NME9: variants seen among roughly 807,000 people sequenced by gnomAD.
NME9 encodes thioredoxin domain-containing protein 6.
NME9 carries 48 observed loss-of-function variants against 44.4 expected under a neutral mutation model. That is an observed-to-expected ratio of 1.08 (90% CI 0.86 to 1.37). The LOEUF is 1.37. NME9 is among the 40% of genes most tolerant of loss of function. The pLI, the probability that NME9 is intolerant of heterozygous loss-of-function variation, is 0.00. For missense variants in NME9, 325 were observed against 405.2 expected (o/e 0.80, Z 1.70); for synonymous variants, 139 against 147.1 (o/e 0.94, Z 0.40).
At chr3:138,278,618 C>T (rs1049704778) in intron 8 of NME9, among the ~76,000 whole-genome samples, 4 of 152,024 alleles carry the variant, frequency 2.6e-5, no homozygotes, top group East Asian at 1.9e-4. Context: ...CTTGGGATTT[C>T]GATCGTATTG....
At chr3:138,304,561 A>G (rs2052090776) in intron 9 of NME9, among the ~76,000 whole-genome samples, 1 of 152,066 alleles carries the variant, frequency 6.6e-6, no homozygotes, top group South Asian at 2.1e-4. Flanking sequence ...TAGAATCTGT[A>G]TGTTCCTGGG....
At position 138,273,038 on chromosome 3, in the gene NME9, C is replaced by T. The variant is rs952963574; in HGVS notation, c.746-10452G>A. ...GAAGCTTGAGTACTGAACAGCTATT[C>T]CGGTTATTATCAGATTCAGATTTGA... is the stretch of plus-strand genomic sequence containing the variant. On this transcript the variant is annotated intron_variant, in intron 8 of 8. Coordinates refer to the NME9 transcript ENST00000317876. The T allele has an allele frequency of 3.1e-6, 5 of 1,613,054 alleles. No homozygotes were observed. The Admixed American group carries it at 6.7e-5, about 22-fold the overall frequency.
At chr3:138,321,521 T>C (rs1171800658) in intron 2 of NME9, among the ~76,000 whole-genome samples, 1 of 152,212 alleles carries the variant, frequency 6.6e-6, no homozygotes, top group Non-Finnish European at 1.5e-5. Flanking sequence ...AACACCTGAA[T>C]TTTGAAGGGG....
At chr3:138,322,803 A>G (rs1248052282) in intron 2 of NME9, among the ~76,000 whole-genome samples, 1 of 152,164 alleles carries the variant, frequency 6.6e-6, no homozygotes, top group Non-Finnish European at 1.5e-5. Flanking sequence ...GTCAGTGCTC[A>G]CTGGATGTTA....
chr3:138,262,405 C>T (rs895868444), exon 9 of NME9: 13 of 1,025,486 alleles, frequency 1.3e-5, no homozygotes, highest in East Asian at 9.7e-5. Flanking sequence ...ATGTGGTTCC[C>T]TGTTCTTAAT....
intron 6 of NME9, among the ~76,000 whole-genome samples, chr3:138,307,166 T>A (rs1474945768): frequency 2.0e-5 from 3 of 152,230 alleles, no homozygotes; most frequent in Non-Finnish European, 4.4e-5. Flanking sequence ...CCCCACTCAT[T>A]GGTTTTAGCC....
chr3:138,261,794 C>G (rs1228354922), exon 9 of NME9: 1 of 152,164 alleles, frequency 6.6e-6, no homozygotes, highest in Non-Finnish European at 1.5e-5. Flanking sequence ...TTGAAGTACC[C>G]AACCTTGACA....
At chr3:138,324,449 A>G (rs1350475654) in intron 2 of NME9, 2 of 458,316 alleles carry the variant, frequency 4.4e-6, no homozygotes. Flanking sequence ...CCAGGAGGAT[A>G]GGGATGAGGA....
chr3:138,293,089 A>G (rs2051127359), intron 8 of NME9, among the ~76,000 whole-genome samples: 1 of 152,154 alleles, frequency 6.6e-6, no homozygotes, highest in Non-Finnish European at 1.5e-5. Context: ...GCATCTGTAG[A>G]ACACGTCACA....
At chr3:138,270,243 C>T in intron 8 of NME9, 1 of 879,122 alleles carries the variant, frequency 1.1e-6, no homozygotes, top group African/African-American at 1.7e-5. Context: ...TTTCAAAAAT[C>T]TGGCTATTTT....
At position 138,329,678 on chromosome 3, in the gene NME9, C is replaced by A; in HGVS notation, c.-343G>T. Reference sequence around the variant, plus strand: ...GCCGGGCGCGGTGCAGCCTGTCGGGCACAGGGTCGCCAGTCGAGGAATTCT... The same window carrying A: ...GCCGGGCGCGGTGCAGCCTGTCGGGAACAGGGTCGCCAGTCGAGGAATTCT... On this transcript the variant is annotated 5_prime_UTR_variant, in exon 1 of 11. Transcript: ENST00000333911. 1 of 1,185,982 alleles carries A rather than the reference C, an allele frequency of 8.4e-7. No individual in the cohort carries two copies. The allele number at this position is 1,185,982 out of a possible 1,614,324, so 73.5% of individuals were successfully genotyped here.
chr3:138,318,211 T>C lies in NME9; in HGVS notation c.204A>G (p.Ala68=), dbSNP rs757772661. Residue 68 remains alanine (A), a synonymous_variant, in exon 4 of 11, where the codon GCA becomes GCG. Coordinates refer to ENST00000333911, the MANE Select transcript of NME9 (RefSeq NM_001349018.2). ...ACTTTTCGAGGACATCAAGACGATC[T>C]GCCTCTGCCTAAAGAAAGCCACTAT... is the stretch of plus-strand genomic sequence containing the variant. ...LDLLHFALAE[A]DRLDVLEKYR... is the part of the protein sequence containing the mutation. 3.1e-6 allele frequency: 5 copies of C among 1,611,368 alleles called. No homozygotes were observed. The highest frequency in any genetic ancestry group is 4.2e-6 in the Non-Finnish European group (5 of 1,177,476).
chr3:138,296,042 A>G (rs1412846293), downstream of NME9: 5 of 617,806 alleles, frequency 8.1e-6, no homozygotes, highest in Non-Finnish European at 1.3e-5. Context: ...TTAGATCTCA[A>G]ATTCATCTTG....
chr3:138,293,031 C>T (rs1311967578), intron 8 of NME9, among the ~76,000 whole-genome samples: 1 of 152,188 alleles, frequency 6.6e-6, no homozygotes, highest in African/African-American at 2.4e-5. Context: ...GACCCACTCT[C>T]CACCCTCCCC....
chr3:138,321,400 ACTC>A (rs1341776270), intron 2 of NME9, among the ~76,000 whole-genome samples: 5 of 152,110 alleles, frequency 3.3e-5, no homozygotes, highest in Admixed American at 6.6e-5. Context: ...AAAGGAATAA[ACTC>A]CTTCCATCAA....
intron 1 of NME9, among the ~76,000 whole-genome samples, chr3:138,326,453 A>T (rs2053791607): frequency 6.6e-6 from 1 of 152,114 alleles, no homozygotes; most frequent in South Asian, 2.1e-4. Flanking sequence ...GTCTTTTTTG[A>T]GACACAGTCT....
chr3:138,305,913 C>A (rs910632887), intron 8 of NME9, 91 bp downstream of exon 8: 1 of 886,746 alleles, frequency 1.1e-6, no homozygotes, highest in African/African-American at 1.7e-5. Flanking sequence ...TTCATAATTT[C>A]TTCTGTCACA....
intron 8 of NME9, among the ~76,000 whole-genome samples, chr3:138,273,361 G>A (rs1160181191): frequency 6.6e-6 from 1 of 152,088 alleles, no homozygotes; most frequent in Non-Finnish European, 1.5e-5. Flanking sequence ...CTAATCCCTG[G>A]AACAGAGGAA....
chr3:138,325,145 G>A (rs1031978630), intron 1 of NME9, among the ~76,000 whole-genome samples: 1 of 152,028 alleles, frequency 6.6e-6, no homozygotes, highest in East Asian at 1.9e-4. Context: ...CTAGTCTCAG[G>A]CATTTAAAAA....
Sources: allele counts gnomAD v4.1 joint callset (sites outside exome capture counted in the v4.1 genomes callset), GRCh38; gene constraint gnomAD v4.1.1; transcripts MANE v1.5; gene names NCBI Gene and HGNC (gene_info 2026-07-23, HGNC 2026-07-21).